PREX1: variants seen among roughly 807,000 people sequenced by gnomAD.
The protein encoded by PREX1 is phosphatidylinositol-3,4,5-trisphosphate dependent Rac exchange factor 1.
In PREX1, 41 loss-of-function variants were observed where a neutral mutation model predicts 198.3. The ratio of observed to expected loss-of-function variants is 0.21; its 90% CI spans 0.16 to 0.27. PREX1 has a LOEUF of 0.27. PREX1 is among the 10% of genes least tolerant of loss of function. The pLI is 1.00. For synonymous variants in PREX1, 843 were observed against 887.2 expected, an observed-to-expected ratio of 0.95 and a Z score of 0.89; for missense variants, 1,620 against 2,200.7, an observed-to-expected ratio of 0.74 and a Z score of 5.28.
At chr20:48,836,104 A>G in the PREX1 span, among the ~76,000 whole-genome samples, 2 of 152,244 alleles carry the variant, frequency 1.3e-5, no homozygotes, top group Admixed American at 1.3e-4. Context: ...CACGATGGGA[A>G]AGATGGCAGG....
intron 3 of PREX1, among the ~76,000 whole-genome samples, chr20:48,738,073 G>A (rs2090064806): frequency 2.0e-5 from 3 of 152,200 alleles, no homozygotes. Flanking sequence ...TCTTAGTGAG[G>A]TGACAGGGTC....
intron 1 of PREX1, among the ~76,000 whole-genome samples, chr20:48,785,954 G>C (rs1215255933): frequency 6.6e-6 from 1 of 152,230 alleles, no homozygotes; most frequent in African/African-American, 2.4e-5. Context: ...AAAGAGCCGG[G>C]ATGGATGGGC....
At position 48,703,039 on chromosome 20, in the gene PREX1, C is replaced by T. The variant is rs118093162; in HGVS notation, c.784-2153G>A. 6.8e-3 allele frequency among the ~76,000 whole-genome samples: 1,043 copies of T among 152,352 alleles called. 4 individuals carry two copies. The highest frequency in any genetic ancestry group is 0.041 in the Middle Eastern group (12 of 294). On this transcript the variant is annotated intron_variant, in intron 6 of 39. Coordinates refer to ENST00000371941, the MANE Select transcript of PREX1 (RefSeq NM_020820.4). ...AAAATCTCCTTCCCCAAACAGTCAA[C>T]ACCCAGAACCAACATGGAGCTCCTA...
At chr20:48,661,444 A>AAAAAAAAAAT (rs1555832820) in intron 15 of PREX1, among the ~76,000 whole-genome samples, 7 of 49,598 alleles carry the variant, frequency 1.4e-4, no homozygotes, top group African/African-American at 3.7e-4. Flanking sequence ...AAAAAAAAAA[A>AAAAAAAAAAT]ATATATATAT....
chr20:48,757,172 T>A (rs990384915), intron 1 of PREX1, among the ~76,000 whole-genome samples: 1 of 152,166 alleles, frequency 6.6e-6, no homozygotes, highest in Non-Finnish European at 1.5e-5. Flanking sequence ...CTTCCCCGAC[T>A]GCTCCATTTG....
Position 48,726,314 on chromosome 20 carries a change from G to A in PREX1, c.597C>T (p.Ile199=). Reference sequence around the variant, plus strand: ...CCTTAAGGAGGAGCGGGTACTTGCAGATCCTCTGGATCGGAGACAACAGGT... The same window carrying A: ...CCTTAAGGAGGAGCGGGTACTTGCAAATCCTCTGGATCGGAGACAACAGGT... ...EGYLLSPIQR[I]CKYPLLLKEL... The change falls in exon 5 of 40, where the codon ATC becomes ATT. Residue 199 remains isoleucine (I), a synonymous_variant. Transcript: ENST00000371941. The A allele has an allele frequency of 6.2e-7, 1 of 1,613,860 alleles. No homozygotes were observed. The highest frequency in any genetic ancestry group is 8.5e-7 in the Non-Finnish European group (1 of 1,179,912).
the PREX1 span, among the ~76,000 whole-genome samples, chr20:48,862,728 T>A: frequency 4.0e-5 from 6 of 148,320 alleles, no homozygotes; most frequent in African/African-American, 1.2e-4. Flanking sequence ...ATAGGGGGTA[T>A]ATGTGTGTGT....
At chr20:48,649,929 C>A (rs1309305020) in intron 24 of PREX1, 67 bp downstream of exon 24, 2 of 1,559,756 alleles carry the variant, frequency 1.3e-6, no homozygotes, top group African/African-American at 2.7e-5. Flanking sequence ...GACCTTCAGA[C>A]AAGTTTTGGT....
chr20:48,650,166 T>C lies in PREX1; in HGVS notation c.2858A>G (p.Lys953Arg), dbSNP rs574445735. The stretch of plus-strand genomic sequence containing the variant: ...CGGGTGGGGCTCCAGGGGGGCTTGT[T>C]TGAAGGGTGGGCTGACCCTGCTCTT... ...QLKSRVSPPF[K>R]QAPLEPHPLC... The change falls in exon 24 of 40, where the codon AAA becomes AGA. Residue 953 changes from lysine (K) to arginine (R), a missense_variant. Around this residue, in one of 7 missense-constraint regions of PREX1, gnomAD observed 514 missense variants for 611.6 expected, o/e 0.84. Coordinates refer to ENST00000371941, the MANE Select transcript of PREX1 (RefSeq NM_020820.4). 8.7e-5 allele frequency: 140 copies of C among 1,613,746 alleles called. 1 individual carries two copies. The East Asian group carries it at 3.0e-3, about 35-fold the overall frequency.
At chr20:48,627,470 C>A (rs2089281993) in intron 39 of PREX1, 78 bp downstream of exon 39, 2 of 1,507,912 alleles carry the variant, frequency 1.3e-6, no homozygotes, top group Admixed American at 1.7e-5. Flanking sequence ...GGGGTTAGGC[C>A]AGGAGCATGA....
At chr20:48,639,948 G>C in intron 29 of PREX1, 54 bp from the exon 30 acceptor site, 1 of 1,586,492 alleles carries the variant, frequency 6.3e-7, no homozygotes, top group Non-Finnish European at 8.6e-7. Flanking sequence ...TAGTGTTGGA[G>C]AACGGTGGCA....
At chr20:48,829,445 G>A (rs2090530314), upstream of PREX1, among the ~76,000 whole-genome samples, 1 of 152,156 alleles carries the variant, frequency 6.6e-6, no homozygotes, top group South Asian at 2.1e-4. Flanking sequence ...TAAGGACACA[G>A]GGAGAGAATG....
chr20:48,827,577 T>C lies in PREX1; in HGVS notation c.219+65A>G, dbSNP rs191263596. 3.5e-6 allele frequency: 4 copies of C among 1,139,216 alleles called. No individual in the cohort carries two copies. The highest frequency in any genetic ancestry group is 4.4e-6 in the Non-Finnish European group (4 of 900,846). 70.6% of individuals were successfully genotyped at this position (1,139,216 alleles called of 1,614,324 possible). A position where few individuals can be genotyped will look rare whatever the true frequency, so the allele number is the denominator to read the frequency against. ...CCACGGGGACCACGGCCACAGGTTGTGGGGACCGCAGCGGGGCGAGCGGCT... is the reference window on the plus strand; with the variant it reads ...CCACGGGGACCACGGCCACAGGTTGCGGGGACCGCAGCGGGGCGAGCGGCT... On this transcript the variant is annotated intron_variant, in intron 1 of 39. Transcript: ENST00000371941. The surrounding 1 kb of genome is among the most constrained non-coding windows in gnomAD (Gnocchi z 4.1).
At chr20:48,772,961 G>C (rs1395887421) in intron 1 of PREX1, among the ~76,000 whole-genome samples, 1 of 152,188 alleles carries the variant, frequency 6.6e-6, no homozygotes, top group Non-Finnish European at 1.5e-5. Context: ...GCACACAGTA[G>C]GTGCTCAAGA....
chr20:48,769,693 G>A (rs371299310), intron 1 of PREX1, among the ~76,000 whole-genome samples: 4 of 152,128 alleles, frequency 2.6e-5, no homozygotes, highest in East Asian at 1.9e-4. Context: ...CTGTCACCAC[G>A]TAACCACATG....
At chr20:48,848,796 G>T in the PREX1 span, among the ~76,000 whole-genome samples, 1 of 152,156 alleles carries the variant, frequency 6.6e-6, no homozygotes, top group Non-Finnish European at 1.5e-5. Flanking sequence ...GAGTTCAGTG[G>T]CGGGATCTCG....
At chr20:48,658,308 C>T (rs1601052174) in intron 16 of PREX1, 80 bp from the exon 17 acceptor site, 1 of 1,406,422 alleles carries the variant, frequency 7.1e-7, no homozygotes, top group East Asian at 2.3e-5. Flanking sequence ...CCCACAGGAC[C>T]ATGACCTCGT....
At chr20:48,681,210 C>A in intron 11 of PREX1, 25 bp downstream of exon 11, 1 of 1,604,812 alleles carries the variant, frequency 6.2e-7, no homozygotes, top group South Asian at 1.1e-5. Flanking sequence ...CCCCTTGGCC[C>A]AGCTGGGCCC....
intron 33 of PREX1, among the ~76,000 whole-genome samples, chr20:48,633,421 A>G (rs1280214953): frequency 6.6e-6 from 1 of 152,244 alleles, no homozygotes; most frequent in Non-Finnish European, 1.5e-5. Flanking sequence ...ATGGGGGTGC[A>G]GCAATTAGGA....
Sources: gnomAD v4.1 joint callset for allele counts (sites outside exome capture counted in the v4.1 genomes callset) on GRCh38, gnomAD v4.1.1 for gene constraint, gnomAD v4.1.1 regional missense constraint, Gnocchi (gnomAD v3.1) non-coding constraint, MANE v1.5 for transcripts, NCBI Gene and HGNC (gene_info 2026-07-23, HGNC 2026-07-21) for gene names.